NIPBL: variants seen among roughly 807,000 people sequenced by gnomAD.
NIPBL encodes nipped-B-like protein.
Under a neutral mutation model 321.8 loss-of-function variants are expected in NIPBL, and 19 were observed. The ratio of observed to expected loss-of-function variants is 0.06; its 90% confidence interval spans 0.04 to 0.09. The LOEUF is 0.09. Among genes scored for constraint, NIPBL ranks in the 10% least tolerant of loss-of-function variants. NIPBL has a pLI of 1.00. For synonymous variants in NIPBL, 1,106 were observed against 1,114.1 expected (o/e 0.99, Z 0.14); for missense variants, 2,210 against 3,327.0 (o/e 0.66, Z 8.26).
At chr5:36,934,941 C>T (rs1301457896) in intron 1 of NIPBL, among the ~76,000 whole-genome samples, 2 of 152,110 alleles carry the variant, frequency 1.3e-5, no homozygotes, top group African/African-American at 2.4e-5. Flanking sequence ...GATAGAAGGA[C>T]TCACACTCAC....
chr5:37,032,384 TAC>T (rs1196620881), intron 32 of NIPBL, among the ~76,000 whole-genome samples: 1 of 131,660 alleles, frequency 7.6e-6, no homozygotes, highest in Non-Finnish European at 1.6e-5. Context: ...CATACATGTA[TAC>T]GTGTGTGTGT....
intron 21 of NIPBL, among the ~76,000 whole-genome samples, chr5:37,012,604 C>G (rs1297907105): frequency 6.6e-6 from 1 of 152,080 alleles, no homozygotes; most frequent in African/African-American, 2.4e-5. Flanking sequence ...GAGGACCCTG[C>G]GGCCTTCCGG....
intron 1 of NIPBL, among the ~76,000 whole-genome samples, chr5:36,883,089 AT>A (rs1745627468): frequency 6.6e-6 from 1 of 151,960 alleles, no homozygotes; most frequent in Admixed American, 6.5e-5. Context: ...TTTTAAAAAA[AT>A]GATCAGTCAT....
chr5:37,007,265 TTTATTAAAAATTA>T, intron 17 of NIPBL, 45 bp from the exon 18 acceptor site: 1 of 1,473,844 alleles, frequency 6.8e-7, no homozygotes, highest in Non-Finnish European at 9.4e-7. Context: ...TTGAGTACTG[TTTATTAAAAATTA>T]TTAAAAGTTG....
rs543924571 is a variant in NIPBL, at chr5:36,979,888, A to G, written c.1495+3486A>G. Among the ~76,000 whole-genome samples the G allele has an allele frequency of 2.6e-5, 4 of 151,882 alleles. No individual in the cohort carries two copies. The East Asian group carries it at 7.7e-4, about 29-fold the overall frequency. ...CACAATTCCCTGACCAAGAAATATT[A>G]GTTGCCCTGATAACTGAATTTTTTG... On this transcript the variant is annotated intron_variant, in intron 9 of 46. Transcript: ENST00000282516.
chr5:37,048,660 C>A lies in NIPBL; in HGVS notation c.6748C>A (p.Gln2250Lys). Residue 2250 changes from glutamine (Q) to lysine (K), a missense_variant, in exon 39 of 47, where the codon CAG becomes AAG. Transcript: ENST00000282516. ...YLQEEDTRMQQADRDWKKVAK... is the reference protein window; with the variant it reads ...YLQEEDTRMQKADRDWKKVAK... ...ACAAGAAGAAGATACACGTATGCAG[C>A]AGGCAGATAGAGACTGTAAGTGAAA... is the stretch of plus-strand genomic sequence containing the variant. 1 of 1,609,174 alleles carries A rather than the reference C, an allele frequency of 6.2e-7. No individual in the cohort carries two copies. The highest frequency in any genetic ancestry group is 8.5e-7 in the Non-Finnish European group (1 of 1,176,778).
At chr5:36,961,175 A>G (rs1024133221) in intron 4 of NIPBL, among the ~76,000 whole-genome samples, 3 of 152,170 alleles carry the variant, frequency 2.0e-5, no homozygotes, top group African/African-American at 7.2e-5. Context: ...GCGAGGTTAG[A>G]TAAGACAACT....
At chr5:36,937,978 C>G (rs996650916) in intron 1 of NIPBL, among the ~76,000 whole-genome samples, 1 of 152,114 alleles carries the variant, frequency 6.6e-6, no homozygotes. Context: ...TTGGGTTCAG[C>G]GGGTATAATA....
At position 36,985,444 on chromosome 5, in the gene NIPBL, C is replaced by A. The variant is rs1744658330; in HGVS notation, c.2264C>A (p.Pro755His). The A allele has an allele frequency of 1.2e-6, 2 of 1,613,590 alleles. No individual in the cohort carries two copies. The highest frequency in any genetic ancestry group is 1.1e-5 in the South Asian group (1 of 91,072). ...CCAAAGCAAAAAAATGAAGGGCGAC[C>A]TGAAACACCAAAACACAGGCATGAC... ...ETPKQKNEGRPETPKHRHDNR... is the reference protein window; with the variant it reads ...ETPKQKNEGRHETPKHRHDNR... Residue 755 changes from proline (P) to histidine (H), a missense_variant, in exon 10 of 47, where the codon CCT becomes CAT. By Grantham distance (77) the Pro-to-His change is moderately conservative (BLOSUM62 -2). This residue lies in a region of NIPBL where 588 missense variants were observed against 564.1 expected (regional missense o/e 1.04). Transcript: ENST00000282516.
In NIPBL at chr5:37,058,880, T is replaced by G; in HGVS notation, c.7411-11T>G. On this transcript the variant is annotated splice_polypyrimidine_tract_variant and intron_variant, in intron 43 of 46. Coordinates refer to ENST00000282516, the MANE Select transcript of NIPBL (RefSeq NM_133433.4). The stretch of plus-strand genomic sequence containing the variant: ...TGTTTTTATTGTTTATCAAACGATT[T>G]TTTCTTTCAGTCTATGGTAAAGGAC... The G allele has an allele frequency of 1.2e-6, 2 of 1,613,400 alleles. No individual in the cohort carries two copies. Among genetic ancestry groups the G allele is most frequent in the Non-Finnish European group, 1.7e-6 (2 of 1,179,688 alleles).
chr5:36,975,632 A>T, intron 8 of NIPBL, 144 bp from the exon 9 acceptor site: 1 of 809,186 alleles, frequency 1.2e-6, no homozygotes, highest in Non-Finnish European at 1.9e-6. Context: ...CTTTCTTTTC[A>T]TCTTTCGTAA....
intron 46 of NIPBL, 30 bp downstream of exon 46, chr5:37,064,008 G>T: frequency 4.3e-6 from 7 of 1,611,262 alleles, no homozygotes; most frequent in Non-Finnish European, 5.9e-6. Context: ...AACGTATTTC[G>T]CAGCGTATTA....
intron 43 of NIPBL, among the ~76,000 whole-genome samples, 197 bp from the exon 44 acceptor site, chr5:37,058,693 AG>A (rs1445678409): frequency 1.3e-5 from 2 of 151,814 alleles, no homozygotes; most frequent in Non-Finnish European, 2.9e-5. Flanking sequence ...GTTGTAGGGG[AG>A]GGGGTGGATA....
chr5:37,012,353 T>G (rs1748240287), intron 21 of NIPBL, among the ~76,000 whole-genome samples: 1 of 151,290 alleles, frequency 6.6e-6, no homozygotes, highest in African/African-American at 2.4e-5. Context: ...TATTCTCTTT[T>G]TATTTATTTT....
At position 37,064,631 on chromosome 5, in the gene NIPBL, C is replaced by T. The variant is rs1443022529; in HGVS notation, c.8154C>T (p.Tyr2718=). 3 of 1,613,980 alleles carry T rather than the reference C, an allele frequency of 1.9e-6. No homozygotes were observed. Among genetic ancestry groups the T allele is most frequent in the Non-Finnish European group, 2.5e-6 (3 of 1,180,032 alleles). The change falls in exon 47 of 47, where the codon TAC becomes TAT. Residue 2718 remains tyrosine, a synonymous_variant. Transcript: ENST00000282516. Reference sequence around the variant, plus strand: ...TCATCGCTATTTGCTGTCCAAAGTACAAAGATCGACCACAAATTGCAAGAG... The same window carrying T: ...TCATCGCTATTTGCTGTCCAAAGTATAAAGATCGACCACAAATTGCAAGAG... ...MDVIAICCPK[Y]KDRPQIARVV... is the part of the protein sequence containing the mutation.
intron 1 of NIPBL, among the ~76,000 whole-genome samples, chr5:36,925,356 C>A (rs2149564332): frequency 6.6e-6 from 1 of 151,580 alleles, no homozygotes; most frequent in African/African-American, 2.4e-5. Context: ...GCAACCTCCG[C>A]CTCCTGGGTT....
intron 40 of NIPBL, 144 bp from the exon 41 acceptor site, chr5:37,051,635 A>G (rs988113004): frequency 2.2e-5 from 14 of 641,136 alleles, no homozygotes; most frequent in Non-Finnish European, 3.3e-5. Flanking sequence ...CTGTCATTTT[A>G]AAAAGAACAC....
At chr5:36,897,257 C>T (rs1326288147) in intron 1 of NIPBL, among the ~76,000 whole-genome samples, 1 of 152,158 alleles carries the variant, frequency 6.6e-6, no homozygotes, top group African/African-American at 2.4e-5. Context: ...CTGCTTTAGC[C>T]TCCCAAAGTG....
intron 1 of NIPBL, among the ~76,000 whole-genome samples, chr5:36,897,865 C>T (rs1049091022): frequency 1.4e-5 from 2 of 138,292 alleles, no homozygotes; most frequent in Non-Finnish European, 3.0e-5. Flanking sequence ...AGTAGTGCAT[C>T]TGGAAAGCTT....
Sources: gnomAD v4.1 joint callset for allele counts (sites outside exome capture counted in the v4.1 genomes callset) on GRCh38, gnomAD v4.1.1 for gene constraint, gnomAD v4.1.1 regional missense constraint, MANE v1.5 for transcripts, NCBI Gene and HGNC (gene_info 2026-07-23, HGNC 2026-07-21) for gene names.